Variants in ST3GAL3 observed in about 807,000 individuals in gnomAD.
ST3GAL3 encodes the protein CMP-N-acetylneuraminate-beta-1,4-galactoside alpha-2,3-sialyltransferase.
A neutral mutation model predicts 50.1 loss-of-function variants in ST3GAL3; 21 were observed. The ratio of observed to expected loss-of-function variants is 0.42; its 90% CI spans 0.30 to 0.60. ST3GAL3 has a LOEUF of 0.60. Among genes scored for constraint, ST3GAL3 ranks in the 20% least tolerant of loss-of-function variants. The pLI is 0.19. For missense variants in ST3GAL3, 353 were observed against 489.4 expected (o/e 0.72, Z 2.63); for synonymous variants, 183 against 190.0 (o/e 0.96, Z 0.30).
chr1:43,777,433 T>C (rs1232304349), intron 2 of ST3GAL3, among the ~76,000 whole-genome samples: 1 of 152,092 alleles, frequency 6.6e-6, no homozygotes, highest in Non-Finnish European at 1.5e-5. Flanking sequence ...AACAGACACA[T>C]AGACCAATGG....
At chr1:43,909,546 T>A (rs1188530991) in intron 9 of ST3GAL3, among the ~76,000 whole-genome samples, 1 of 152,198 alleles carries the variant, frequency 6.6e-6, no homozygotes, top group East Asian at 1.9e-4. Context: ...CCTCTCCTCA[T>A]AGCACACATC....
intron 1 of ST3GAL3, among the ~76,000 whole-genome samples, chr1:43,720,245 T>A (rs1216603491): frequency 6.6e-6 from 1 of 152,048 alleles, no homozygotes; most frequent in Non-Finnish European, 1.5e-5. Flanking sequence ...AAAAAAAGAA[T>A]AAGTGTTAGA....
chr1:43,900,241 G>A (rs1017977606), intron 9 of ST3GAL3, among the ~76,000 whole-genome samples: 14 of 152,162 alleles, frequency 9.2e-5, no homozygotes, highest in African/African-American at 3.4e-4. Flanking sequence ...ACTTGAGAGT[G>A]CCAGCTCCCA....
chr1:43,779,992 G>T (rs1186111686), intron 2 of ST3GAL3, among the ~76,000 whole-genome samples: 2 of 152,096 alleles, frequency 1.3e-5, no homozygotes, highest in African/African-American at 2.4e-5. Context: ...TCTCTGTGTA[G>T]CTGCACATCT....
rs1234118193 is a variant in ST3GAL3 at position 43,899,706 on chromosome 1, C to T, written c.723C>T (p.Tyr241=). 2.5e-6 allele frequency: 4 copies of T among 1,614,086 alleles called. No individual in the cohort carries two copies. Among genetic ancestry groups the T allele is most frequent in the Non-Finnish European group, 3.4e-6 (4 of 1,180,024 alleles). ...FKWQDFKWLK[Y]IVYKERVSAS... Reference sequence around the variant, plus strand: ...GGCAGGACTTTAAGTGGTTGAAATACATCGTCTACAAGGAGAGAGTGGTAA... The same window carrying T: ...GGCAGGACTTTAAGTGGTTGAAATATATCGTCTACAAGGAGAGAGTGGTAA... Residue 241 remains tyrosine (Y), a synonymous_variant, in exon 9 of 12, where the codon TAC becomes TAT. Transcript: ENST00000347631. This position sits in a 1 kb window ranked among gnomAD's most constrained non-coding sequence, Gnocchi z 5.4.
intron 9 of ST3GAL3, among the ~76,000 whole-genome samples, chr1:43,903,514 A>C (rs1040762322): frequency 4.6e-5 from 7 of 152,300 alleles, no homozygotes; most frequent in African/African-American, 1.7e-4. Flanking sequence ...CTGACTGGTC[A>C]TCAATTCAGT....
intron 3 of ST3GAL3, among the ~76,000 whole-genome samples, chr1:43,813,881 A>G (rs868215230): frequency 5.7e-5 from 3 of 52,568 alleles, no homozygotes; most frequent in Admixed American, 2.3e-4. Context: ...ACACACACAC[A>G]CACACACACA....
intron 5 of ST3GAL3, among the ~76,000 whole-genome samples, chr1:43,859,682 A>G (rs1306634880): frequency 6.6e-6 from 1 of 152,224 alleles, no homozygotes; most frequent in Admixed American, 6.5e-5. Context: ...AACTTGCTCT[A>G]AGAAGCAAAT....
chr1:43,828,571 A>T (rs886814436), intron 4 of ST3GAL3, among the ~76,000 whole-genome samples: 3 of 152,286 alleles, frequency 2.0e-5, no homozygotes, highest in African/African-American at 4.8e-5. Flanking sequence ...CAACCCAATT[A>T]AAAAAATGGG....
At chr1:43,843,113 G>C (rs1364836396) in intron 5 of ST3GAL3, among the ~76,000 whole-genome samples, 1 of 152,192 alleles carries the variant, frequency 6.6e-6, no homozygotes, top group Non-Finnish European at 1.5e-5. Context: ...ACTGTTCAGT[G>C]CAGTATTAAA....
intron 3 of ST3GAL3, among the ~76,000 whole-genome samples, chr1:43,811,770 T>G (rs924617923): frequency 6.6e-6 from 1 of 152,176 alleles, no homozygotes; most frequent in Non-Finnish European, 1.5e-5. Context: ...TAAGGACGTG[T>G]TAGGCATCCT....
intron 5 of ST3GAL3, chr1:43,841,515 A>AG (rs1472378490): frequency 2.0e-5 from 3 of 152,320 alleles, no homozygotes; most frequent in Admixed American, 2.0e-4. Flanking sequence ...CCTGAGCTGT[A>AG]CCTTGCCCTT....
At chr1:43,761,505 A>G (rs1690319734) in intron 2 of ST3GAL3, among the ~76,000 whole-genome samples, 2 of 152,150 alleles carry the variant, frequency 1.3e-5, no homozygotes, top group Non-Finnish European at 2.9e-5. Flanking sequence ...CAGCCAAAAA[A>G]GAGAGAAGGA....
intron 2 of ST3GAL3, among the ~76,000 whole-genome samples, chr1:43,780,737 A>C (rs1354791816): frequency 2.0e-5 from 3 of 151,670 alleles, no homozygotes; most frequent in Admixed American, 2.0e-4. Context: ...CACCTCACCA[A>C]ATATATTTTT....
intron 1 of ST3GAL3, among the ~76,000 whole-genome samples, chr1:43,723,969 C>T (rs1045827087): frequency 2.6e-5 from 4 of 152,030 alleles, no homozygotes; most frequent in Non-Finnish European, 1.5e-5. Flanking sequence ...TGGTGGTAAA[C>T]GAAGTCACAG....
At chr1:43,905,754 CCCTCCTCCTGCTCCT>C (rs2079381321) in intron 9 of ST3GAL3, among the ~76,000 whole-genome samples, 2 of 122,130 alleles carry the variant, frequency 1.6e-5, no homozygotes, top group Non-Finnish European at 3.4e-5. Flanking sequence ...CTCTTCCTCC[CCCTCCTCCTGCTCCT>C]CTTCCTGCCA....
chr1:43,843,584 G>A (rs2065769958), intron 5 of ST3GAL3, among the ~76,000 whole-genome samples: 1 of 152,160 alleles, frequency 6.6e-6, no homozygotes, highest in South Asian at 2.1e-4. Flanking sequence ...TGGTAATATA[G>A]TAATGCTGGC....
Position 43,838,231 on chromosome 1 carries a change from A to G in ST3GAL3, c.222A>G (p.Leu74=). Residue 74 remains leucine, a synonymous_variant, in exon 5 of 12, where the codon TTA becomes TTG. Coordinates refer to ENST00000347631, the MANE Select transcript of ST3GAL3 (RefSeq NM_006279.5). ...LNLDSKLPAE[L]ATKYANFSEG... Reference sequence around the variant, plus strand: ...TCTCTTCCCATAGGCCTGCTGAATTAGCCACCAAGTACGCAAACTTTTCAG... The same window carrying G: ...TCTCTTCCCATAGGCCTGCTGAATTGGCCACCAAGTACGCAAACTTTTCAG... The G allele has an allele frequency of 6.2e-7, 1 of 1,612,794 alleles. No homozygotes were observed.
At chr1:43,786,074 GCCA>G (rs944446678) in intron 2 of ST3GAL3, among the ~76,000 whole-genome samples, 51 of 151,898 alleles carry the variant, frequency 3.4e-4, no homozygotes, top group African/African-American at 1.2e-3. Context: ...CCCGGTTCAG[GCCA>G]CCATCAGTTC....
Sources: gnomAD v4.1 joint callset for allele counts (sites outside exome capture counted in the v4.1 genomes callset) on GRCh38, gnomAD v4.1.1 for gene constraint, Gnocchi (gnomAD v3.1) non-coding constraint, MANE v1.5 for transcripts, NCBI Gene and HGNC (gene_info 2026-07-23, HGNC 2026-07-21) for gene names.